VARS1: variants seen among roughly 807,000 people sequenced by gnomAD.
The protein encoded by VARS1 is valine--tRNA ligase.
A neutral mutation model predicts 161.0 loss-of-function variants in VARS1; 92 were observed. That is an observed-to-expected ratio of 0.57 (90% CI 0.48 to 0.68). The LOEUF is 0.68. Ranked by LOEUF, VARS1 falls within the 30% of genes least tolerant of loss-of-function variation. VARS1 has a pLI of 0.00. For synonymous variants in VARS1, 595 were observed against 682.5 expected, an observed-to-expected ratio of 0.87 and a Z score of 2.00; for missense variants, 1,338 against 1,695.9, an observed-to-expected ratio of 0.79 and a Z score of 3.71.
At chr6:31,787,377 G>A (rs1169168029) in intron 8 of VARS1, among the ~76,000 whole-genome samples, 5 of 152,186 alleles carry the variant, frequency 3.3e-5, no homozygotes, top group African/African-American at 1.2e-4. Context: ...AGGCACAGTG[G>A]CTCACACCTG....
chr6:31,792,956 T>TCTTGTTCTTCCC, intron 3 of VARS1, 30 bp downstream of exon 3: 1 of 1,614,028 alleles, frequency 6.2e-7, no homozygotes, highest in Non-Finnish European at 8.5e-7. Context: ...AGGAGAGCAG[T>TCTTGTTCTTCCC]CTTGTTCTTC....
At position 31,791,153 on chromosome 6, in the gene VARS1, C is replaced by A. The variant is rs923921987; in HGVS notation, c.1100+457G>T. Reference sequence around the variant, plus strand: ...GCAACAGAACAAGACTCTGTCCCCCCAAAAAAAAATATATATATTCATATG... The same window carrying A: ...GCAACAGAACAAGACTCTGTCCCCCAAAAAAAAAATATATATATTCATATG... On this transcript the variant is annotated intron_variant, in intron 8 of 29. Coordinates refer to ENST00000375663, the MANE Select transcript of VARS1 (RefSeq NM_006295.3). This position sits in a 1 kb window ranked among gnomAD's most constrained non-coding sequence, Gnocchi z 5.0. Among the ~76,000 whole-genome samples, 1 of 149,232 alleles carries A rather than the reference C, an allele frequency of 6.7e-6. No homozygotes were observed. The highest frequency in any genetic ancestry group is 2.5e-5 in the African/African-American group (1 of 40,658).
chr6:31,781,310 G>A lies in VARS1; in HGVS notation c.2544+171C>T. 1 of 1,235,552 alleles carries A rather than the reference G, an allele frequency of 8.1e-7. No individual in the cohort carries two copies. The highest frequency in any genetic ancestry group is 1.1e-6 in the Non-Finnish European group (1 of 896,528). The allele number at this position is 1,235,552 out of a possible 1,614,324, so 76.5% of individuals were successfully genotyped here. ...TTCCTCTGGGAAGATGAAGCCCTGG[G>A]CACAGGAATCACTGAGCAGGGCCCA... On this transcript the variant is annotated intron_variant, in intron 21 of 29. Coordinates refer to ENST00000375663, the MANE Select transcript of VARS1 (RefSeq NM_006295.3). The surrounding 1 kb of genome is among the most constrained non-coding windows in gnomAD (Gnocchi z 6.8).
Position 31,780,667 on chromosome 6 carries a change from G to A in VARS1, c.2797+38C>T. 1 of 1,613,924 alleles carries A rather than the reference G, an allele frequency of 6.2e-7. No individual in the cohort carries two copies. Among genetic ancestry groups the A allele is most frequent in the Non-Finnish European group, 8.5e-7 (1 of 1,179,838 alleles). ...AAGAGGGATGGGCCTCACAGAAGGA[G>A]GAAGGAGTGGCTGGGAGGGACGCTT... On this transcript the variant is annotated intron_variant, in intron 24 of 29. Coordinates refer to ENST00000375663, the MANE Select transcript of VARS1 (RefSeq NM_006295.3). The surrounding 1 kb of genome is among the most constrained non-coding windows in gnomAD (Gnocchi z 5.1).
chr6:31,777,548 C>T lies in VARS1; in HGVS notation c.*46G>A. On this transcript the variant is annotated 3_prime_UTR_variant, in exon 30 of 30. Transcript: ENST00000375663. The surrounding 1 kb of genome is among the most constrained non-coding windows in gnomAD (Gnocchi z 5.8). ...TGGGAAAATATTTTATTGCTGCCAT[C>T]CCCATGGTGAGCCGCTGGGGGTGAG... The T allele has an allele frequency of 6.2e-7, 1 of 1,610,294 alleles. No individual in the cohort carries two copies. Among genetic ancestry groups the T allele is most frequent in the East Asian group, 2.2e-5 (1 of 44,854 alleles).
In VARS1 at chr6:31,781,640, C is replaced by G; in HGVS notation, c.2419-34G>C. The stretch of plus-strand genomic sequence containing the variant: ...AGACCAGGGTGTGAAGGGGAGCCAA[C>G]ACCCACCCTCCAGTCCCCTGTCCCG... On this transcript the variant is annotated intron_variant, in intron 20 of 29. Transcript: ENST00000375663. This position sits in a 1 kb window ranked among gnomAD's most constrained non-coding sequence, Gnocchi z 6.8. 6.2e-7 allele frequency: 1 copy of G among 1,612,942 alleles called. No homozygotes were observed. Among genetic ancestry groups the G allele is most frequent in the South Asian group, 1.1e-5 (1 of 91,084 alleles).
chr6:31,790,917 A>G (rs924252260), intron 8 of VARS1, among the ~76,000 whole-genome samples: 33 of 152,198 alleles, frequency 2.2e-4, no homozygotes, highest in African/African-American at 7.2e-4. Context: ...AACAATGGCT[A>G]AATCTTAGGA....
chr6:31,794,688 G>A lies in VARS1; in HGVS notation c.387+143C>T, dbSNP rs190024625. 5.6e-3 allele frequency: 6,775 copies of A among 1,204,160 alleles called. 278 individuals carry two copies. The South Asian group carries it at 0.081, about 14-fold the overall frequency. 74.6% of individuals were successfully genotyped at this position (1,204,160 alleles called of 1,614,324 possible). A position where few individuals can be genotyped will look rare whatever the true frequency, so the allele number is the denominator to read the frequency against. Reference sequence around the variant, plus strand: ...AGCGGGTCTATGAAACGTGCCCAGGGTTACCATACCAGTTGGCAATCTGGG... The same window carrying A: ...AGCGGGTCTATGAAACGTGCCCAGGATTACCATACCAGTTGGCAATCTGGG... On this transcript the variant is annotated intron_variant, in intron 2 of 29. Coordinates refer to ENST00000375663, the MANE Select transcript of VARS1 (RefSeq NM_006295.3).
intron 2 of VARS1, among the ~76,000 whole-genome samples, chr6:31,794,093 CAAA>C (rs33960246): frequency 9.8e-5 from 7 of 71,178 alleles, no homozygotes; most frequent in Admixed American, 1.5e-4. Context: ...GATTCTGTCT[CAAA>C]AAAAAAAAAA....
At position 31,779,759 on chromosome 6, in the gene VARS1, C is replaced by A; in HGVS notation, c.3137G>T (p.Arg1046Leu). ...GVDQVAAECA[R>L]QTLYTCLDVG... ...GTCCAGGCAAGTGTACAGGGTCTGG[C>A]GGGCACACTCAGCTGCCACCTGGTC... Residue 1046 changes from arginine to leucine, a missense_variant, in exon 27 of 30, where the codon CGC becomes CTC. Around this residue, in one of 3 missense-constraint regions of VARS1, gnomAD observed 433 missense variants for 586.2 expected, o/e 0.74. Coordinates refer to ENST00000375663, the MANE Select transcript of VARS1 (RefSeq NM_006295.3). This position sits in a 1 kb window ranked among gnomAD's most constrained non-coding sequence, Gnocchi z 9.1. 3.7e-6 allele frequency: 6 copies of A among 1,612,978 alleles called. No individual in the cohort carries two copies. Among genetic ancestry groups the A allele is most frequent in the Non-Finnish European group, 5.1e-6 (6 of 1,180,002 alleles).
At chr6:31,792,941 G>A in intron 3 of VARS1, 45 bp downstream of exon 3, 7 of 1,614,204 alleles carry the variant, frequency 4.3e-6, no homozygotes, top group Non-Finnish European at 5.1e-6. Flanking sequence ...CTACAGTGAG[G>A]TCTGAGGAGA....
At chr6:31,789,522 A>G (rs1238098012) in intron 8 of VARS1, among the ~76,000 whole-genome samples, 2 of 152,210 alleles carry the variant, frequency 1.3e-5, no homozygotes, top group Non-Finnish European at 2.9e-5. Context: ...GGTATCAATC[A>G]GCAAAGCCAT....
rs750776386 is a variant in VARS1 at position 31,780,602 on chromosome 6, C to T, written c.2798-34G>A. 10 of 1,611,168 alleles carry T rather than the reference C, an allele frequency of 6.2e-6. No homozygotes were observed. The African/African-American group carries it at 1.2e-4, about 19-fold the overall frequency. On this transcript the variant is annotated intron_variant, in intron 24 of 29. Transcript: ENST00000375663. This position sits in a 1 kb window ranked among gnomAD's most constrained non-coding sequence, Gnocchi z 5.1. ...GGGGTGAGATGTGAGTCCTCATCACCCTCTTCCCAGCCCATGCCCACCAGA... is the reference window on the plus strand; with the variant it reads ...GGGGTGAGATGTGAGTCCTCATCACTCTCTTCCCAGCCCATGCCCACCAGA...
At chr6:31,789,623 C>A (rs570484849) in intron 8 of VARS1, among the ~76,000 whole-genome samples, 1 of 152,178 alleles carries the variant, frequency 6.6e-6, no homozygotes, top group African/African-American at 2.4e-5. Flanking sequence ...GCTACACCAG[C>A]GAAACCCTTC....
Position 31,777,846 on chromosome 6 carries a change from C to G in VARS1, c.3727-184G>C, listed in dbSNP as rs1812842343. On this transcript the variant is annotated intron_variant, in intron 29 of 29. Coordinates refer to ENST00000375663, the MANE Select transcript of VARS1 (RefSeq NM_006295.3). The surrounding 1 kb of genome is among the most constrained non-coding windows in gnomAD (Gnocchi z 5.8). ...CCAGCACCCCCACTTCCACCACCACCTCTTGGGTCTTGCCTTTTTCCACCA... is the reference window on the plus strand; with the variant it reads ...CCAGCACCCCCACTTCCACCACCACGTCTTGGGTCTTGCCTTTTTCCACCA... The G allele has an allele frequency of 4.7e-6, 3 of 639,694 alleles. No homozygotes were observed. The highest frequency in any genetic ancestry group is 8.2e-6 in the Non-Finnish European group (3 of 365,564). The allele number at this position is 639,694 out of a possible 1,614,324, so 39.6% of individuals were successfully genotyped here.
intron 8 of VARS1, among the ~76,000 whole-genome samples, chr6:31,788,230 A>G (rs1186519903): frequency 6.6e-6 from 1 of 151,996 alleles, no homozygotes; most frequent in Non-Finnish European, 1.5e-5. Context: ...GGCTGGACGA[A>G]GTGGCTCATG....
chr6:31,793,367 G>A (rs1405218913), intron 2 of VARS1, among the ~76,000 whole-genome samples: 5 of 151,996 alleles, frequency 3.3e-5, no homozygotes, highest in South Asian at 2.1e-4. Flanking sequence ...ATAGCCAGGC[G>A]TGGTGGCGGG....
chr6:31,792,710 A>T, intron 4 of VARS1, 47 bp downstream of exon 4: 1 of 1,606,114 alleles, frequency 6.2e-7, no homozygotes, highest in Non-Finnish European at 8.5e-7. Context: ...AGTTGCATGG[A>T]AGGCCCCAGG....
At position 31,781,207 on chromosome 6, in the gene VARS1, AC is replaced by A; in HGVS notation, c.2545-85del. On this transcript the variant is annotated intron_variant, in intron 21 of 29. Transcript: ENST00000375663. This position sits in a 1 kb window ranked among gnomAD's most constrained non-coding sequence, Gnocchi z 6.8. ...CCCCGACCAGGACTGTGTCTGGTCT[AC>A]CCCACTGTGAACCTCAGGTCCCACT... 2 of 1,479,066 alleles carry A rather than the reference AC, an allele frequency of 1.4e-6. No individual in the cohort carries two copies. The highest frequency in any genetic ancestry group is 9.3e-7 in the Non-Finnish European group (1 of 1,074,342). 91.6% of individuals were successfully genotyped at this position (1,479,066 alleles called of 1,614,324 possible).
Sources: allele counts gnomAD v4.1 joint callset (sites outside exome capture counted in the v4.1 genomes callset), GRCh38; gene constraint gnomAD v4.1.1; regional missense constraint gnomAD v4.1.1; non-coding constraint Gnocchi (gnomAD v3.1); transcripts MANE v1.5; gene names NCBI Gene and HGNC (gene_info 2026-07-23, HGNC 2026-07-21).